The following RNMT variants were observed in gnomAD, a reference collection of about 807,000 sequenced individuals.
The protein encoded by RNMT is mRNA cap guanine-N(7) methyltransferase.
RNMT carries 27 observed loss-of-function variants against 56.0 expected under a neutral mutation model. That is an observed-to-expected ratio of 0.48 (90% CI 0.36 to 0.67). The LOEUF is 0.67. RNMT is among the 30% of genes least tolerant of loss of function. The pLI is 0.00. For synonymous variants in RNMT, 184 were observed against 176.2 expected, an observed-to-expected ratio of 1.04 and a Z score of -0.35; for missense variants, 519 against 552.1, an observed-to-expected ratio of 0.94 and a Z score of 0.60.
chr18:13,733,020 CA>C (rs1436962740), intron 3 of RNMT, among the ~76,000 whole-genome samples: 1 of 152,068 alleles, frequency 6.6e-6, no homozygotes, highest in African/African-American at 2.4e-5. Context: ...CTCAGCCTCC[CA>C]AAGTGCTGGG....
intron 8 of RNMT, chr18:13,742,937 T>C (rs959382184): frequency 8.8e-6 from 2 of 227,086 alleles, no homozygotes; most frequent in Non-Finnish European, 8.4e-6. Context: ...CTTCAGCTTG[T>C]GGCACAAAAT....
chr18:13,741,750 T>C (rs559821654), intron 7 of RNMT, 59 bp downstream of exon 7: 1 of 1,064,900 alleles, frequency 9.4e-7, no homozygotes, highest in African/African-American at 1.6e-5. Context: ...TAGCAAATGT[T>C]TATCAGAGGT....
At chr18:13,728,163 T>G (rs1206173922) in intron 1 of RNMT, among the ~76,000 whole-genome samples, 4 of 152,178 alleles carry the variant, frequency 2.6e-5, no homozygotes, top group Non-Finnish European at 5.9e-5. Flanking sequence ...TCAATAGCAC[T>G]AGTTCTATTT....
chr18:13,752,721 A>G (rs2044471051), intron 10 of RNMT, among the ~76,000 whole-genome samples: 1 of 152,248 alleles, frequency 6.6e-6, no homozygotes. Flanking sequence ...AGCATTTCAT[A>G]CATAGAATGC....
intron 3 of RNMT, among the ~76,000 whole-genome samples, chr18:13,733,646 G>A (rs988703822): frequency 2.0e-5 from 3 of 152,114 alleles, no homozygotes; most frequent in Non-Finnish European, 4.4e-5. Flanking sequence ...CCACAGTGCT[G>A]GGATTATAGG....
Position 13,763,062 on chromosome 18 carries a change from C to T in RNMT, c.*3083C>T. On this transcript the variant is annotated 3_prime_UTR_variant, in exon 12 of 12. Transcript: ENST00000383314. ...CAAAATAGAGGCCAAATCCAGGGAC[C>T]AGGCCCTAATAATAGAAGTTGTACC... 2.2e-6 allele frequency: 1 copy of T among 455,992 alleles called. No individual in the cohort carries two copies. The highest frequency in any genetic ancestry group is 4.4e-6 in the Non-Finnish European group (1 of 226,778). The allele number at this position is 455,992 out of a possible 1,614,324, so 28.2% of individuals were successfully genotyped here.
At chr18:13,743,768 G>A (rs2044298776) in intron 8 of RNMT, among the ~76,000 whole-genome samples, 1 of 151,516 alleles carries the variant, frequency 6.6e-6, no homozygotes, top group Non-Finnish European at 1.5e-5. Context: ...TCTGCTTGGT[G>A]CTTATTTTAA....
At chr18:13,738,917 A>G (rs551688791) in intron 5 of RNMT, among the ~76,000 whole-genome samples, 1 of 152,276 alleles carries the variant, frequency 6.6e-6, no homozygotes, top group Admixed American at 6.5e-5. Context: ...TCTACCTCAG[A>G]TCATCAGGTG....
intron 9 of RNMT, among the ~76,000 whole-genome samples, chr18:13,750,737 G>T (rs1391478102): frequency 6.6e-6 from 1 of 151,972 alleles, no homozygotes; most frequent in East Asian, 1.9e-4. Context: ...GGAGGCCAAG[G>T]TTGCAGTGAA....
chr18:13,752,302 T>A (rs1318610118), intron 9 of RNMT, 24 bp from the exon 10 acceptor site: 1 of 1,419,948 alleles, frequency 7.0e-7, no homozygotes, highest in Admixed American at 1.7e-5. Flanking sequence ...TTATTGTAAC[T>A]AGGACTTTCA....
At chr18:13,753,607 T>A (rs1327510141) in intron 10 of RNMT, among the ~76,000 whole-genome samples, 1 of 150,474 alleles carries the variant, frequency 6.6e-6, no homozygotes, top group Non-Finnish European at 1.5e-5. Context: ...TCGTCTTTAC[T>A]AAAAACGCAA....
chr18:13,743,339 AATAAATAAATAAAT>A lies in RNMT; in HGVS notation c.1139+689_1139+702del, dbSNP rs2044288658. On this transcript the variant is annotated intron_variant, in intron 8 of 11. Transcript: ENST00000383314. ...CTCCGTCTCAAAAAAAAAATAAATA[AATAAATAAATAAAT>A]AAATAAATAAATAAATAAATCAAAG... Among the ~76,000 whole-genome samples the A allele has an allele frequency of 2.0e-4, 15 of 75,246 alleles. 1 individual carries two copies. In the South Asian group the frequency reaches 6.2e-3, roughly 31 times the overall value. 49.4% of individuals were successfully genotyped at this position (75,246 alleles called of 152,430 possible). A position where few individuals can be genotyped will look rare whatever the true frequency, so the allele number is the denominator to read the frequency against.
intron 11 of RNMT, 86 bp downstream of exon 11, chr18:13,754,233 A>G (rs186851706): frequency 2.3e-5 from 19 of 844,210 alleles, no homozygotes; most frequent in Non-Finnish European, 3.7e-5. Context: ...AAGGCTGGGC[A>G]CTGTGGCTCA....
intron 9 of RNMT, among the ~76,000 whole-genome samples, chr18:13,749,125 A>G (rs570977696): frequency 1.3e-5 from 2 of 152,336 alleles, no homozygotes; most frequent in South Asian, 2.1e-4. Context: ...TTACAGCTTT[A>G]TAATCATGTA....
At position 13,746,260 on chromosome 18, in the gene RNMT, AC is replaced by A. The variant is rs1568508206; in HGVS notation, c.1181del (p.Thr394AsnfsTer19). On this transcript the variant is annotated frameshift_variant, in exon 9 of 12. Transcript: ENST00000383314. LOFTEE classifies it high-confidence loss of function. ...KYNMKLVYKK[T>X]FLEFYEEKIK... The stretch of plus-strand genomic sequence containing the variant: ...CAATATGAAACTAGTCTACAAAAAA[AC>A]ATTTCTGGAATTCTACGAAGAAAAG... The A allele has an allele frequency of 1.9e-6, 3 of 1,567,364 alleles. No homozygotes were observed. Among genetic ancestry groups the A allele is most frequent in the Non-Finnish European group, 2.6e-6 (3 of 1,147,472 alleles).
intron 8 of RNMT, among the ~76,000 whole-genome samples, chr18:13,743,587 CTTG>C (rs987721654): frequency 2.0e-5 from 3 of 151,996 alleles, no homozygotes; most frequent in Non-Finnish European, 4.4e-5. Context: ...GCTTCAAGGC[CTTG>C]TGATACACCT....
In RNMT at chr18:13,761,010, A is replaced by G. The variant is rs1405335829; in HGVS notation, c.*1031A>G. 1 of 985,216 alleles carries G rather than the reference A, an allele frequency of 1.0e-6. No individual in the cohort carries two copies. The highest frequency in any genetic ancestry group is 6.1e-5 in the Admixed American group (1 of 16,270). 61.0% of individuals were successfully genotyped at this position (985,216 alleles called of 1,614,324 possible). ...ATTTGGAAAACTTACCAGTTTTTAG[A>G]TGTAGATGTAGTGAAAAACTTCAAG... On this transcript the variant is annotated 3_prime_UTR_variant, in exon 12 of 12. Transcript: ENST00000383314.
At chr18:13,729,730 A>G (rs1388970444) in intron 1 of RNMT, among the ~76,000 whole-genome samples, 1 of 151,880 alleles carries the variant, frequency 6.6e-6, no homozygotes, top group African/African-American at 2.4e-5. Context: ...TTGATTTCTT[A>G]TTCTTTTTCA....
chr18:13,733,599 A>G (rs543541272), intron 3 of RNMT, among the ~76,000 whole-genome samples: 2 of 152,214 alleles, frequency 1.3e-5, no homozygotes, highest in East Asian at 1.9e-4. Flanking sequence ...GCTGGTCTCA[A>G]ACTCCTGACT....
Sources: gnomAD v4.1 joint callset for allele counts (sites outside exome capture counted in the v4.1 genomes callset) on GRCh38, gnomAD v4.1.1 for gene constraint, MANE v1.5 for transcripts, NCBI Gene and HGNC (gene_info 2026-07-23, HGNC 2026-07-21) for gene names.